Variants in RFC1 observed in about 807,000 individuals in gnomAD.
The protein encoded by RFC1 is replication factor C subunit 1.
Under a neutral mutation model 137.4 loss-of-function variants are expected in RFC1, and 37 were observed. The ratio of observed to expected loss-of-function variants is 0.27; its 90% CI spans 0.21 to 0.35. The LOEUF is 0.35. RFC1 is among the 10% of genes least tolerant of loss of function. RFC1 has a pLI of 1.00. For missense variants in RFC1, 1,205 were observed against 1,358.5 expected (o/e 0.89, Z 1.78); for synonymous variants, 429 against 455.7 (o/e 0.94, Z 0.75).
chr4:39,295,727 C>G lies in RFC1; in HGVS notation c.2841G>C (p.Leu947Phe). 1.9e-6 allele frequency: 3 copies of G among 1,613,184 alleles called. No homozygotes were observed. The highest frequency in any genetic ancestry group is 2.5e-6 in the Non-Finnish European group (3 of 1,179,664). Reference sequence around the variant, plus strand: ...GAAACTGGGTCATGTACCCCCTCATCAACTCTCCAGGAAGAACACTGGCAT... The same window carrying G: ...GAAACTGGGTCATGTACCCCCTCATGAACTCTCCAGGAAGAACACTGGCAT... Reference protein sequence around the residue: ...AIYASVLPGELMRGYMTQFPT... With the variant: ...AIYASVLPGEFMRGYMTQFPT... The change falls in exon 22 of 25, where the codon TTG (leucine) becomes TTC (phenylalanine). Residue 947 changes from leucine (L) to phenylalanine (F), a missense_variant. Physicochemically the swap from Leu to Phe is conservative, Grantham distance 22. Transcript: ENST00000349703.
chr4:39,331,535 A>C (rs902848141), intron 4 of RFC1, among the ~76,000 whole-genome samples: 1 of 152,230 alleles, frequency 6.6e-6, no homozygotes, highest in African/African-American at 2.4e-5. Context: ...TAACAATGGC[A>C]GTACAAACAG....
intron 12 of RFC1, 61 bp downstream of exon 12, chr4:39,311,384 A>G (rs2109639967): frequency 7.3e-7 from 1 of 1,376,226 alleles, no homozygotes. Context: ...CCCAAGACAT[A>G]TGTCTATGAA....
Position 39,308,900 on chromosome 4 carries a change from T to C in RFC1, c.1621A>G (p.Thr541Ala). ...AACACATCTGTTTCCTTTTTTATTG[T>C]CTTTGCCAAACTGTCCCTTTTGGAA... ...PTSKRDSLAK[T>A]IKKETDVFWK... The change falls in exon 13 of 25, where the codon ACA (threonine) becomes GCA (alanine). Residue 541 changes from threonine (T) to alanine (A), a missense_variant. Physicochemically the swap from Thr to Ala is moderately conservative, Grantham distance 58 (BLOSUM62 0). Transcript: ENST00000349703. 6.2e-7 allele frequency: 1 copy of C among 1,614,192 alleles called. No individual in the cohort carries two copies. Among genetic ancestry groups the C allele is most frequent in the Non-Finnish European group, 8.5e-7 (1 of 1,180,036 alleles).
chr4:39,318,857 C>T (rs1427450014), intron 9 of RFC1, among the ~76,000 whole-genome samples: 17 of 152,134 alleles, frequency 1.1e-4, no homozygotes, highest in Admixed American at 1.1e-3. Flanking sequence ...TGGTGATGAC[C>T]AGTTAAAATA....
In RFC1 at chr4:39,303,001, A is replaced by G. The variant is rs1282507378; in HGVS notation, c.2202+59T>C. 5 of 1,494,476 alleles carry G rather than the reference A, an allele frequency of 3.3e-6. No homozygotes were observed. The African/African-American group carries it at 6.9e-5, about 21-fold the overall frequency. 92.6% of individuals were successfully genotyped at this position (1,494,476 alleles called of 1,614,324 possible). A position where few individuals can be genotyped will look rare whatever the true frequency, so the allele number is the denominator to read the frequency against. On this transcript the variant is annotated intron_variant, in intron 16 of 24. Coordinates refer to ENST00000349703, the MANE Select transcript of RFC1 (RefSeq NM_002913.5). ...CTGCCCTAAGTATGAGAGAATGACA[A>G]TGTTCTAACAATCTAAATTATCAAC...
chr4:39,303,164 G>A lies in RFC1; in HGVS notation c.2111-13C>T, dbSNP rs369333796. The A allele has an allele frequency of 6.3e-7, 1 of 1,583,308 alleles. No individual in the cohort carries two copies. Among genetic ancestry groups the A allele is most frequent in the African/African-American group, 1.3e-5 (1 of 74,282 alleles). ...GAGGCTGCTCCATCTGACCCAGGTT[G>A]AGGAGCAATGGGATGAGACAAAAAC... On this transcript the variant is annotated splice_polypyrimidine_tract_variant and intron_variant, in intron 15 of 24. Coordinates refer to ENST00000349703, the MANE Select transcript of RFC1 (RefSeq NM_002913.5).
rs199730998 is a variant in RFC1, at chr4:39,291,729, T to C, written c.3078A>G (p.Thr1026=). 18 of 1,613,952 alleles carry C rather than the reference T, an allele frequency of 1.1e-5. No individual in the cohort carries two copies. In the Middle Eastern group the frequency reaches 6.6e-4, roughly 59 times the overall value. The stretch of plus-strand genomic sequence containing the variant: ...CAAAGTCTTCTTTCATCAAATAATA[T>C]GTGTCCATAAGTGCAACAACATCCT... The part of the protein sequence containing the change: ...GVQDVVALMD[T]YYLMKEDFEN... Residue 1026 remains threonine (T), a synonymous_variant, in exon 23 of 25, where the codon ACA becomes ACG. Transcript: ENST00000349703.
chr4:39,295,940 A>T, intron 21 of RFC1, 181 bp from the exon 22 acceptor site: 1 of 484,978 alleles, frequency 2.1e-6, no homozygotes, highest in East Asian at 3.3e-5. Context: ...TCTCCCAGAG[A>T]AAACAACAGA....
At position 39,290,261 on chromosome 4, in the gene RFC1, A is replaced by G. The variant is rs115016309; in HGVS notation, c.3169-222T>C. On this transcript the variant is annotated intron_variant, in intron 23 of 24. Transcript: ENST00000349703. Reference sequence around the variant, plus strand: ...TGACAAAAAAGACTGAAGGTGGGGCACAGTGGCTCATGCTTCTCCATGAGA... The same window carrying G: ...TGACAAAAAAGACTGAAGGTGGGGCGCAGTGGCTCATGCTTCTCCATGAGA... 2.5e-3 allele frequency among the ~76,000 whole-genome samples: 386 copies of G among 152,196 alleles called. 2 individuals carry two copies. The highest frequency in any genetic ancestry group is 8.9e-3 in the African/African-American group (371 of 41,522).
chr4:39,358,561 C>T (rs947754592), intron 1 of RFC1, among the ~76,000 whole-genome samples: 3 of 152,176 alleles, frequency 2.0e-5, no homozygotes, highest in African/African-American at 7.2e-5. Flanking sequence ...GACCCCTGCC[C>T]TTACAGAGCT....
At chr4:39,363,058 G>C (rs1741837653) in intron 1 of RFC1, among the ~76,000 whole-genome samples, 1 of 152,200 alleles carries the variant, frequency 6.6e-6, no homozygotes, top group Admixed American at 6.5e-5. Context: ...TATTTAAACT[G>C]ACCTCACGGC....
intron 9 of RFC1, among the ~76,000 whole-genome samples, chr4:39,317,652 A>G (rs1268195061): frequency 6.6e-6 from 1 of 152,160 alleles, no homozygotes; most frequent in Non-Finnish European, 1.5e-5. Flanking sequence ...TTTTCAAACT[A>G]TGCATCCCTA....
At chr4:39,320,770 AC>A in intron 8 of RFC1, 101 bp from the exon 9 acceptor site, 1 of 1,167,934 alleles carries the variant, frequency 8.6e-7, no homozygotes, top group Non-Finnish European at 1.2e-6. Flanking sequence ...CACAGAATAT[AC>A]CCTGAAGGCC....
chr4:39,321,609 A>G, intron 7 of RFC1: 2 of 411,328 alleles, frequency 4.9e-6, no homozygotes, highest in Non-Finnish European at 8.6e-6. Flanking sequence ...TATAAAAATT[A>G]TCTCTCTTCA....
rs547333771 is a variant in RFC1 at position 39,317,686 on chromosome 4, C to T, written c.1096-664G>A. Among the ~76,000 whole-genome samples, 14 of 152,240 alleles carry T rather than the reference C, an allele frequency of 9.2e-5. 1 individual carries two copies. Among genetic ancestry groups the T allele is most frequent in the African/African-American group, 3.4e-4 (14 of 41,538 alleles). ...TAGATCCACCTCCAAGTTTCTCTTT[C>T]GGAGATATGGGGTATGGCTAGAATG... is the stretch of plus-strand genomic sequence containing the variant. On this transcript the variant is annotated intron_variant, in intron 9 of 24. Coordinates refer to ENST00000349703, the MANE Select transcript of RFC1 (RefSeq NM_002913.5).
intron 1 of RFC1, among the ~76,000 whole-genome samples, chr4:39,357,990 C>T (rs1741566766): frequency 2.0e-5 from 3 of 152,012 alleles, no homozygotes; most frequent in Admixed American, 2.0e-4. Flanking sequence ...TAAAGTCCAA[C>T]TGGGCCAAGC....
At chr4:39,296,519 T>C (rs1738017203) in intron 21 of RFC1, among the ~76,000 whole-genome samples, 1 of 144,970 alleles carries the variant, frequency 6.9e-6, no homozygotes, top group Non-Finnish European at 1.5e-5. Flanking sequence ...TTTTTGTTCT[T>C]GCAATAGTTT....
chr4:39,291,315 C>A (rs1343842762), intron 23 of RFC1, among the ~76,000 whole-genome samples: 3 of 152,202 alleles, frequency 2.0e-5, no homozygotes, highest in South Asian at 2.1e-4. Flanking sequence ...ACCACCAGAG[C>A]TCACCGCTCA....
chr4:39,353,643 C>G (rs1319867954), intron 1 of RFC1, among the ~76,000 whole-genome samples: 6 of 152,168 alleles, frequency 3.9e-5, no homozygotes, highest in African/African-American at 9.7e-5. Context: ...CTGAGGCTGA[C>G]AACTACTTTA....
Sources: allele counts gnomAD v4.1 joint callset (sites outside exome capture counted in the v4.1 genomes callset), GRCh38; gene constraint gnomAD v4.1.1; transcripts MANE v1.5; gene names NCBI Gene and HGNC (gene_info 2026-07-23, HGNC 2026-07-21).